Variants in CTNNA3 observed in about 807,000 individuals in gnomAD.
CTNNA3 encodes catenin alpha 3.
In CTNNA3, 76 loss-of-function variants were observed where a neutral mutation model predicts 95.7. That is an observed-to-expected ratio of 0.79 (90% confidence interval 0.66 to 0.96). The LOEUF (loss-of-function observed/expected upper bound fraction) is 0.96. Among genes scored for constraint, CTNNA3 ranks in the 40% least tolerant of loss-of-function variants. The pLI is 0.00. For synonymous variants in CTNNA3, 431 were observed against 374.4 expected, an observed-to-expected ratio of 1.15 and a Z score of -1.74; for missense variants, 1,191 against 1,089.8, an observed-to-expected ratio of 1.09 and a Z score of -1.31.
At chr10:66,568,475 G>A (rs1346009267) in intron 10 of CTNNA3, among the ~76,000 whole-genome samples, 1 of 151,944 alleles carries the variant, frequency 6.6e-6, no homozygotes, top group Non-Finnish European at 1.5e-5. Context: ...CCCCTAGGGT[G>A]TCTTTATTTC....
chr10:66,128,511 T>C (rs751901828), intron 13 of CTNNA3, among the ~76,000 whole-genome samples: 1 of 151,888 alleles, frequency 6.6e-6, no homozygotes, highest in Non-Finnish European at 1.5e-5. Context: ...TGGAAGAAAC[T>C]TAAATGCATA....
At chr10:66,774,472 C>T (rs1840215724) in intron 8 of CTNNA3, among the ~76,000 whole-genome samples, 1 of 152,094 alleles carries the variant, frequency 6.6e-6, no homozygotes, top group African/African-American at 2.4e-5. Context: ...ATGGTAGAAA[C>T]AGAATTCACA....
chr10:67,003,491 CTT>C (rs1357883656), intron 7 of CTNNA3, among the ~76,000 whole-genome samples: 1 of 152,180 alleles, frequency 6.6e-6, no homozygotes, highest in Admixed American at 6.5e-5. Context: ...TTTTGGGAAA[CTT>C]TGCATACTAT....
Position 67,668,305 on chromosome 10 carries a change from T to C in CTNNA3, c.-5-20787A>G, listed in dbSNP as rs555350116. On this transcript the variant is annotated intron_variant, in intron 1 of 17. Coordinates refer to ENST00000433211, the MANE Select transcript of CTNNA3 (RefSeq NM_013266.4). ...AAAAATGCCTCCATACACTATATGC[T>C]GTATCTGAATTTTCAATATATTTTA... 8.6e-4 allele frequency among the ~76,000 whole-genome samples: 131 copies of C among 152,318 alleles called. 1 individual carries two copies. Among genetic ancestry groups the C allele is most frequent in the African/African-American group, 3.0e-3 (126 of 41,564 alleles).
chr10:65,941,075 G>A (rs987623800), intron 17 of CTNNA3, among the ~76,000 whole-genome samples: 3 of 152,174 alleles, frequency 2.0e-5, no homozygotes, highest in Admixed American at 1.3e-4. Flanking sequence ...AACCTTGCAA[G>A]CCAATATTTA....
intron 7 of CTNNA3, among the ~76,000 whole-genome samples, chr10:66,801,981 G>C (rs1232315189): frequency 6.6e-6 from 1 of 151,638 alleles, no homozygotes; most frequent in African/African-American, 2.4e-5. Context: ...AAAGCCTTCA[G>C]AGAAATTAAT....
rs931054874 is a variant in CTNNA3, at chr10:66,043,149, A to C, written c.2159+26159T>G. Among the ~76,000 whole-genome samples the C allele has an allele frequency of 1.1e-4, 17 of 150,458 alleles. 1 individual carries two copies. The South Asian group carries it at 3.5e-3, about 31-fold the overall frequency. The stretch of plus-strand genomic sequence containing the variant: ...TCCGGGTAATGAAAAAAAAAAAAAA[A>C]AAAAAGAGAGAGAGAGAAGAGAAAT... On this transcript the variant is annotated intron_variant, in intron 15 of 17. Coordinates refer to ENST00000433211, the MANE Select transcript of CTNNA3 (RefSeq NM_013266.4).
intron 9 of CTNNA3, among the ~76,000 whole-genome samples, chr10:66,702,409 T>C (rs1206927374): frequency 6.6e-6 from 1 of 151,834 alleles, no homozygotes; most frequent in African/African-American, 2.4e-5. Context: ...TCCTTCAGAG[T>C]CATCTTGCCT....
intron 12 of CTNNA3, among the ~76,000 whole-genome samples, chr10:66,378,031 TTTTG>T (rs56334603): frequency 0.076 from 11,567 of 152,144 alleles, 547 homozygotes; most frequent in East Asian, 0.22. Flanking sequence ...TCATCAATGA[TTTTG>T]TTTATCAACT....
chr10:66,183,896 T>C (rs2131863577), intron 13 of CTNNA3, among the ~76,000 whole-genome samples: 1 of 152,308 alleles, frequency 6.6e-6, no homozygotes, highest in South Asian at 2.1e-4. Flanking sequence ...CTCAGTTTGC[T>C]TGTCTTTTTA....
chr10:66,313,036 G>A (rs927868027), intron 12 of CTNNA3, among the ~76,000 whole-genome samples: 14 of 152,268 alleles, frequency 9.2e-5, no homozygotes, highest in African/African-American at 2.9e-4. Flanking sequence ...ATTACCGGAC[G>A]AAGGAAAAGG....
intron 7 of CTNNA3, among the ~76,000 whole-genome samples, chr10:67,083,865 TAA>T (rs1280250446): frequency 6.6e-6 from 1 of 152,138 alleles, no homozygotes; most frequent in Non-Finnish European, 1.5e-5. Flanking sequence ...TATTAAAATG[TAA>T]GTAATCAAAG....
intron 7 of CTNNA3, among the ~76,000 whole-genome samples, chr10:66,783,098 T>C (rs1242691435): frequency 6.6e-6 from 1 of 152,170 alleles, no homozygotes. Context: ...AAATAACTAA[T>C]TAAGTACTGA....
At chr10:66,581,014 C>T (rs1843167877) in intron 10 of CTNNA3, among the ~76,000 whole-genome samples, 1 of 151,710 alleles carries the variant, frequency 6.6e-6, no homozygotes, top group Non-Finnish European at 1.5e-5. Flanking sequence ...TTTTCAATTC[C>T]TGAGTTACTT....
chr10:66,350,042 G>C (rs962152980), intron 12 of CTNNA3, among the ~76,000 whole-genome samples: 4 of 152,076 alleles, frequency 2.6e-5, no homozygotes, highest in African/African-American at 9.7e-5. Flanking sequence ...TAACACATTG[G>C]TGATATAAAG....
chr10:66,153,833 A>AT (rs1305300696), intron 13 of CTNNA3, among the ~76,000 whole-genome samples: 7 of 143,712 alleles, frequency 4.9e-5, no homozygotes, highest in Non-Finnish European at 1.1e-4. Flanking sequence ...TGCCTCTGAT[A>AT]CTTAATAATT....
rs191078920 is a variant in CTNNA3, at chr10:66,601,070, G to A, written c.1374+20622C>T. 4.0e-5 allele frequency among the ~76,000 whole-genome samples: 6 copies of A among 151,840 alleles called. No homozygotes were observed. In the East Asian group the frequency reaches 1.2e-3, roughly 29 times the overall value. On this transcript the variant is annotated intron_variant, in intron 10 of 17. Transcript: ENST00000433211. ...TTTATAATAGAATGAGCCCAGTAATGTGTATGTCACAATACCATTGCAAGA... is the reference window on the plus strand; with the variant it reads ...TTTATAATAGAATGAGCCCAGTAATATGTATGTCACAATACCATTGCAAGA...
At chr10:66,824,468 C>G (rs969962541) in intron 7 of CTNNA3, among the ~76,000 whole-genome samples, 1 of 151,914 alleles carries the variant, frequency 6.6e-6, no homozygotes, top group South Asian at 2.1e-4. Context: ...TACAGGAAAC[C>G]CTGGTAGGCT....
At chr10:67,562,397 A>C (rs1330110618) in intron 3 of CTNNA3, among the ~76,000 whole-genome samples, 5 of 152,218 alleles carry the variant, frequency 3.3e-5, no homozygotes, top group Non-Finnish European at 7.3e-5. Context: ...CCACATGATT[A>C]TCTTAATAGA....
Sources: allele counts gnomAD v4.1 joint callset (sites outside exome capture counted in the v4.1 genomes callset), GRCh38; gene constraint gnomAD v4.1.1; transcripts MANE v1.5; gene names NCBI Gene and HGNC (gene_info 2026-07-23, HGNC 2026-07-21).